Variants in TLK1 observed in about 807,000 individuals in gnomAD.
TLK1 encodes tousled like kinase 1, also known as serine/threonine-protein kinase tousled-like 1.
In TLK1, 24 loss-of-function variants were observed where a neutral mutation model predicts 105.3. That is an observed-to-expected ratio of 0.23 (90% CI 0.17 to 0.32). TLK1 has a LOEUF of 0.32. Among genes scored for constraint, TLK1 ranks in the 10% least tolerant of loss-of-function variants. The pLI is 1.00. For synonymous variants in TLK1, 321 were observed against 310.4 expected (o/e 1.03, Z -0.36); for missense variants, 558 against 910.5 (o/e 0.61, Z 4.98).
intron 1 of TLK1, among the ~76,000 whole-genome samples, chr2:171,208,281 T>C (rs556549236): frequency 1.5e-4 from 23 of 152,332 alleles, no homozygotes; most frequent in African/African-American, 5.1e-4. Flanking sequence ...GTATAAGTTT[T>C]ATTCTCACTG....
chr2:171,173,012 C>G (rs1692758248), intron 1 of TLK1, among the ~76,000 whole-genome samples: 1 of 151,922 alleles, frequency 6.6e-6, no homozygotes, highest in Non-Finnish European at 1.5e-5. Flanking sequence ...AGAATCTTTC[C>G]TAAGAAAAAA....
intron 12 of TLK1, among the ~76,000 whole-genome samples, chr2:171,024,703 GT>G (rs1211593764): frequency 6.6e-6 from 1 of 152,164 alleles, no homozygotes; most frequent in African/African-American, 2.4e-5. Flanking sequence ...TCACTTACTG[GT>G]GGTATTACTC....
Position 171,052,118 on chromosome 2 carries a change from G to A in TLK1, c.732+1643C>T, listed in dbSNP as rs139064683. 1.5e-3 allele frequency among the ~76,000 whole-genome samples: 225 copies of A among 152,136 alleles called. 2 individuals carry two copies. The highest frequency in any genetic ancestry group is 6.5e-4 in the Non-Finnish European group (44 of 67,982). Reference sequence around the variant, plus strand: ...CTACAAAATAAAAAAAAATCAGCCCGGAGTGATGGCATGAGCCTGTAGTCC... The same window carrying A: ...CTACAAAATAAAAAAAAATCAGCCCAGAGTGATGGCATGAGCCTGTAGTCC... On this transcript the variant is annotated intron_variant, in intron 8 of 20. Transcript: ENST00000431350.
At chr2:171,066,974 A>C in intron 3 of TLK1, 1 of 1,533,164 alleles carries the variant, frequency 6.5e-7, no homozygotes, top group Non-Finnish European at 8.8e-7. Flanking sequence ...TGCTTGTAAT[A>C]GTCAAATTCA....
At chr2:171,056,650 A>G (rs1687516421) in intron 5 of TLK1, 84 bp from the exon 6 acceptor site, 4 of 1,075,752 alleles carry the variant, frequency 3.7e-6, no homozygotes. Flanking sequence ...GAATTAATCT[A>G]AATATACCTA....
At chr2:171,074,634 A>G (rs920780065) in intron 3 of TLK1, among the ~76,000 whole-genome samples, 1 of 151,560 alleles carries the variant, frequency 6.6e-6, no homozygotes, top group African/African-American at 2.4e-5. Context: ...CTCAAAAAAA[A>G]AAAAAAAAAA....
chr2:171,006,144 T>C lies in TLK1; in HGVS notation c.1904+3A>G. The C allele has an allele frequency of 6.3e-7, 1 of 1,578,612 alleles. No individual in the cohort carries two copies. Among genetic ancestry groups the C allele is most frequent in the South Asian group, 1.2e-5 (1 of 83,198 alleles). ...ATTCTGATGTTTTTAGTAATACACT[T>C]ACCAGTAAGTGCCTGCCCCCTGGGA... On this transcript the variant is annotated splice_donor_region_variant and intron_variant, in intron 18 of 20. Transcript: ENST00000431350.
At chr2:171,105,014 T>C (rs974555498) in intron 2 of TLK1, among the ~76,000 whole-genome samples, 2 of 152,212 alleles carry the variant, frequency 1.3e-5, no homozygotes, top group South Asian at 2.1e-4. Context: ...CAAAATGGGT[T>C]AAAGATTTAA....
At chr2:171,103,121 C>A (rs1689762843) in intron 2 of TLK1, among the ~76,000 whole-genome samples, 1 of 151,830 alleles carries the variant, frequency 6.6e-6, no homozygotes, top group Non-Finnish European at 1.5e-5. Context: ...CAGTTGTTAG[C>A]CTAACACTAG....
intron 1 of TLK1, among the ~76,000 whole-genome samples, chr2:171,218,630 G>T (rs1220334027): frequency 1.3e-5 from 2 of 152,154 alleles, no homozygotes; most frequent in African/African-American, 4.8e-5. Context: ...TTGATGTCTG[G>T]CAAGGGCTGC....
intron 1 of TLK1, among the ~76,000 whole-genome samples, chr2:171,135,823 A>C (rs1352857904): frequency 1.3e-5 from 2 of 152,180 alleles, no homozygotes; most frequent in Non-Finnish European, 2.9e-5. Flanking sequence ...ACTAATTATT[A>C]GCAAAATGTA....
intron 11 of TLK1, among the ~76,000 whole-genome samples, chr2:171,030,943 G>C (rs1308515110): frequency 6.6e-6 from 1 of 151,444 alleles, no homozygotes; most frequent in Non-Finnish European, 1.5e-5. Context: ...CAATTTAGGA[G>C]AAACGCTATT....
At chr2:171,000,247 G>A (rs1383228495) in intron 18 of TLK1, among the ~76,000 whole-genome samples, 4 of 151,636 alleles carry the variant, frequency 2.6e-5, no homozygotes, top group African/African-American at 4.8e-5. Flanking sequence ...GCATGGTGGC[G>A]GGCACCTGTA....
At chr2:171,145,010 C>T (rs1575626668) in intron 1 of TLK1, among the ~76,000 whole-genome samples, 1 of 152,218 alleles carries the variant, frequency 6.6e-6, no homozygotes, top group East Asian at 1.9e-4. Context: ...ATTAAAACCA[C>T]ACAGATACCA....
At chr2:171,220,183 CCATGTAAGATAACATTTA>C (rs1307464002) in intron 1 of TLK1, among the ~76,000 whole-genome samples, 265 of 152,288 alleles carry the variant, frequency 1.7e-3, no homozygotes, top group African/African-American at 6.0e-3. Context: ...GATAACATTT[CCATGTAAGATAACATTTA>C]CAGGTTCTGG....
chr2:171,024,651 G>T (rs1458690595), intron 12 of TLK1, among the ~76,000 whole-genome samples: 1 of 152,164 alleles, frequency 6.6e-6, no homozygotes, highest in Non-Finnish European at 1.5e-5. Flanking sequence ...CATGGGTACA[G>T]TCATTGAAAT....
intron 1 of TLK1, among the ~76,000 whole-genome samples, chr2:171,218,642 C>G (rs1224961590): frequency 6.6e-6 from 1 of 152,204 alleles, no homozygotes; most frequent in East Asian, 1.9e-4. Context: ...AAGGGCTGCT[C>G]TCTGCTTCCA....
At chr2:171,076,133 G>A (rs187262018) in intron 3 of TLK1, among the ~76,000 whole-genome samples, 4 of 151,874 alleles carry the variant, frequency 2.6e-5, no homozygotes, top group East Asian at 3.9e-4. Flanking sequence ...GAGGAGACTC[G>A]CTTGAACCCA....
upstream of TLK1, among the ~76,000 whole-genome samples, chr2:171,161,133 G>C (rs996033002): frequency 4.1e-5 from 6 of 147,840 alleles, no homozygotes; most frequent in Non-Finnish European, 9.0e-5. Flanking sequence ...CGCGGCGCGG[G>C]AGCCCGGGGT....
Sources: allele counts gnomAD v4.1 joint callset (sites outside exome capture counted in the v4.1 genomes callset), GRCh38; gene constraint gnomAD v4.1.1; transcripts MANE v1.5; gene names NCBI Gene and HGNC (gene_info 2026-07-23, HGNC 2026-07-21).